The following KRT8 variants were observed in gnomAD, a reference collection of about 807,000 sequenced individuals.
KRT8 encodes the protein keratin 8.
Under a neutral mutation model 43.0 loss-of-function variants are expected in KRT8, and 24 were observed. The observed-to-expected ratio is 0.56, with a 90% confidence interval of 0.40 to 0.78. KRT8 has a LOEUF of 0.78. KRT8 is among the 30% of genes least tolerant of loss of function. The pLI is 0.00. For synonymous variants in KRT8, 214 were observed against 261.2 expected (o/e 0.82, Z 1.74); for missense variants, 492 against 638.4 (o/e 0.77, Z 2.47).
chr12:52,898,546 G>A (rs749686999), intron 6 of KRT8, 27 bp from the exon 7 acceptor site: 6 of 1,613,806 alleles, frequency 3.7e-6, no homozygotes, highest in Non-Finnish European at 4.2e-6. Context: ...GGGGTGTCAG[G>A]ACCAACTCCT....
chr12:52,921,114 G>T (rs2120660520), intron 2 of KRT8, among the ~76,000 whole-genome samples: 1 of 152,314 alleles, frequency 6.6e-6, no homozygotes, highest in South Asian at 2.1e-4. Context: ...GCCAGCCCAG[G>T]CCAGCTTAGC....
intron 2 of KRT8, chr12:52,948,851 C>T (rs1232231992): frequency 4.8e-6 from 2 of 419,234 alleles, no homozygotes; most frequent in Non-Finnish European, 8.3e-6. Flanking sequence ...AGCATAATAA[C>T]GTCATTTCCT....
intron 2 of KRT8, among the ~76,000 whole-genome samples, chr12:52,931,678 T>A (rs1164704465): frequency 2.3e-5 from 3 of 129,310 alleles, no homozygotes; most frequent in Admixed American, 1.5e-4. Context: ...ATATATATAT[T>A]TGAGACGGAG....
At position 52,926,936 on chromosome 12, in the gene KRT8, CTGAATGAATGAA is replaced by C. The variant is rs60430117; in HGVS notation, c.-46-21921_-46-21910del. Among the ~76,000 whole-genome samples the C allele has an allele frequency of 1.9e-4, 28 of 150,580 alleles. No homozygotes were observed. The South Asian group carries it at 2.7e-3, about 15-fold the overall frequency. On this transcript the variant is annotated intron_variant, in intron 2 of 6. Coordinates refer to the KRT8 transcript ENST00000546826. ...CCAGCACAGGAACTTGTTTGATTCA[CTGAATGAATGAA>C]TGAATGAATGAATGAATGAATGAAT...
chr12:52,934,936 C>T (rs144618552), intron 2 of KRT8, among the ~76,000 whole-genome samples: 70 of 150,332 alleles, frequency 4.7e-4, no homozygotes, highest in African/African-American at 1.6e-3. Flanking sequence ...ACCATTGCAC[C>T]CTAGCCTGGG....
intron 2 of KRT8, among the ~76,000 whole-genome samples, chr12:52,930,376 C>T (rs1422744872): frequency 2.0e-5 from 3 of 152,102 alleles, no homozygotes; most frequent in African/African-American, 7.2e-5. Context: ...TAGGCATGTG[C>T]CATCACACCT....
intron 2 of KRT8, among the ~76,000 whole-genome samples, chr12:52,920,507 G>A (rs1420877505): frequency 5.9e-5 from 9 of 152,170 alleles, no homozygotes; most frequent in African/African-American, 1.9e-4. Context: ...TGAGGCAGGC[G>A]AATTGATTGA....
intron 7 of KRT8, 123 bp from the exon 8 acceptor site, chr12:52,897,741 G>C (rs1298878989): frequency 1.5e-6 from 2 of 1,344,140 alleles, no homozygotes; most frequent in Non-Finnish European, 1.0e-6. Flanking sequence ...AGCTCTGCCT[G>C]ATCAGTGATT....
intron 2 of KRT8, among the ~76,000 whole-genome samples, chr12:52,930,047 G>T (rs1487493953): frequency 1.3e-5 from 2 of 152,168 alleles, no homozygotes; most frequent in Non-Finnish European, 2.9e-5. Context: ...AAAGTGCTGA[G>T]GATGGCACTA....
chr12:52,899,193 TAGTCCC>T (rs1941299978), intron 5 of KRT8, among the ~76,000 whole-genome samples: 1 of 152,160 alleles, frequency 6.6e-6, no homozygotes, highest in Middle Eastern at 3.2e-3. Context: ...CGGGCGCCTG[TAGTCCC>T]AGCTACTCAG....
intron 2 of KRT8, among the ~76,000 whole-genome samples, chr12:52,918,199 G>C (rs867566664): frequency 3.0e-4 from 37 of 121,506 alleles, no homozygotes; most frequent in East Asian, 2.5e-4. Flanking sequence ...AGAAGAAGAA[G>C]AAGAACAAGA....
intron 2 of KRT8, chr12:52,901,430 C>A: frequency 1.6e-6 from 1 of 619,314 alleles, no homozygotes. Flanking sequence ...TCTCCAAATC[C>A]ATGAATACAC....
chr12:52,915,791 A>G (rs1941726786), intron 2 of KRT8, among the ~76,000 whole-genome samples: 1 of 152,214 alleles, frequency 6.6e-6, no homozygotes, highest in African/African-American at 2.4e-5. Flanking sequence ...TACATATGCT[A>G]ACCAAAATGT....
chr12:52,926,427 T>C, intron 2 of KRT8: 1 of 1,488,464 alleles, frequency 6.7e-7, no homozygotes, highest in Non-Finnish European at 9.0e-7. Flanking sequence ...CTGCAGGTCC[T>C]GGCTCCAGCT....
At chr12:52,898,725 T>C in exon 6 of KRT8, 1 of 1,614,216 alleles carries the variant, frequency 6.2e-7, no homozygotes, top group Non-Finnish European at 8.5e-7. Flanking sequence ...GCGATCTCGA[T>C]GTCCAGGGCC....
Position 52,920,303 on chromosome 12 carries a change from A to C in KRT8, c.-46-15276T>G, listed in dbSNP as rs116533302. On this transcript the variant is annotated intron_variant, in intron 2 of 6. Coordinates refer to the KRT8 transcript ENST00000546826. ...ACTTGGGGGACCTCTCCCCATCAAA[A>C]TGGACAGCCCCAGCCCAGGCACGGT... is the stretch of plus-strand genomic sequence containing the variant. Among the ~76,000 whole-genome samples, 737 of 152,270 alleles carry C rather than the reference A, an allele frequency of 4.8e-3. 6 individuals carry two copies. Among genetic ancestry groups the C allele is most frequent in the African/African-American group, 0.017 (699 of 41,568 alleles).
chr12:52,944,771 CCTCGACT>C (rs1300147517), intron 2 of KRT8, among the ~76,000 whole-genome samples: 1 of 152,206 alleles, frequency 6.6e-6, no homozygotes, highest in Non-Finnish European at 1.5e-5. Context: ...TCAGGGCATT[CCTCGACT>C]CTCCCACCCC....
intron 2 of KRT8, chr12:52,926,541 A>G (rs1370087085): frequency 1.6e-6 from 2 of 1,252,830 alleles, no homozygotes; most frequent in Non-Finnish European, 2.2e-6. Context: ...CCACTCCTAT[A>G]GAGACCCCAA....
intron 2 of KRT8, among the ~76,000 whole-genome samples, chr12:52,919,211 G>A (rs945938099): frequency 6.6e-6 from 1 of 152,124 alleles, no homozygotes; most frequent in Non-Finnish European, 1.5e-5. Context: ...CAATGATGGT[G>A]GCAGTGGTAG....
Sources: allele counts gnomAD v4.1 joint callset (sites outside exome capture counted in the v4.1 genomes callset), GRCh38; gene constraint gnomAD v4.1.1; transcripts MANE v1.5; gene names NCBI Gene and HGNC (gene_info 2026-07-23, HGNC 2026-07-21).